TUBB1: variants seen among roughly 807,000 people sequenced by gnomAD.
TUBB1 encodes tubulin beta-1 chain.
In TUBB1, 28 loss-of-function variants were observed where a neutral mutation model predicts 22.6. The observed-to-expected ratio is 1.24, with a 90% confidence interval of 0.92 to 1.70. The LOEUF is 1.70. Among genes scored for constraint, TUBB1 ranks in the 40% most tolerant of loss-of-function variants. TUBB1 has a pLI of 0.00. For synonymous variants in TUBB1, 226 were observed against 238.0 expected, an observed-to-expected ratio of 0.95 and a Z score of 0.46; for missense variants, 577 against 605.5, an observed-to-expected ratio of 0.95 and a Z score of 0.49.
chr20:59,025,761 A>C lies in TUBB1; in HGVS notation c.*978A>C, dbSNP rs1443581726. On this transcript the variant is annotated 3_prime_UTR_variant, in exon 4 of 4. Coordinates refer to ENST00000217133, the MANE Select transcript of TUBB1 (RefSeq NM_030773.4). ...GCAGTGTCCTTCTCAGTTATGGAGG[A>C]CATCGTCTCATTAGGGAACTTTTAC... The C allele has an allele frequency of 2.6e-5, 4 of 152,256 alleles. No homozygotes were observed. Among genetic ancestry groups the C allele is most frequent in the African/African-American group, 9.6e-5 (4 of 41,474 alleles). The allele number at this position is 152,256 out of a possible 1,614,324, so 9.4% of individuals were successfully genotyped here. A position where few individuals can be genotyped will look rare whatever the true frequency, so the allele number is the denominator to read the frequency against.
upstream of TUBB1, chr20:59,019,407 C>A: frequency 7.8e-7 from 1 of 1,276,550 alleles, no homozygotes; most frequent in Non-Finnish European, 1.1e-6. Context: ...CTTGGTTGGC[C>A]AGTCCCACCA....
chr20:59,020,814 C>T (rs2091963606), intron 1 of TUBB1, among the ~76,000 whole-genome samples: 1 of 152,078 alleles, frequency 6.6e-6, no homozygotes, highest in Non-Finnish European at 1.5e-5. Flanking sequence ...TTGGCCAACC[C>T]CAAGAACACA....
At chr20:59,022,992 C>A (rs1325412984) in intron 2 of TUBB1, 39 bp downstream of exon 2, 1 of 1,541,392 alleles carries the variant, frequency 6.5e-7, no homozygotes, top group East Asian at 2.2e-5. Flanking sequence ...GGTCCCGCAA[C>A]TGGGAACACA....
intron 1 of TUBB1, 56 bp from the exon 2 acceptor site, chr20:59,022,789 T>C (rs2091973484): frequency 1.3e-6 from 2 of 1,523,074 alleles, no homozygotes; most frequent in Admixed American, 1.7e-5. Flanking sequence ...ACTTTCTCTG[T>C]GGTTAACACA....
upstream of TUBB1, among the ~76,000 whole-genome samples, chr20:59,018,397 C>T (rs561501402): frequency 1.7e-3 from 261 of 151,686 alleles, 5 homozygotes; most frequent in Non-Finnish European, 3.4e-4. Flanking sequence ...TCCTGTACAC[C>T]GCATGAGGGA....
chr20:59,024,504 G>A lies in TUBB1; in HGVS notation c.1077G>A (p.Arg359=), dbSNP rs199740763. Residue 359 remains arginine, a synonymous_variant, in exon 4 of 4, where the codon CGG becomes CGA. Transcript: ENST00000217133. This position sits in a 1 kb window ranked among gnomAD's most constrained non-coding sequence, Gnocchi z 4.9. ...VKVAVCDIPP[R]GLSMAATFIG... ...TGGCTGTCTGCGACATCCCGCCCCG[G>A]GGGCTGAGCATGGCCGCCACCTTCA... 1.2e-6 allele frequency: 2 copies of A among 1,614,188 alleles called. No individual in the cohort carries two copies. The highest frequency in any genetic ancestry group is 1.7e-6 in the Non-Finnish European group (2 of 1,180,050).
intron 1 of TUBB1, 106 bp from the exon 2 acceptor site, chr20:59,022,739 A>AG: frequency 1.1e-6 from 1 of 945,756 alleles, no homozygotes; most frequent in East Asian, 2.5e-5. Flanking sequence ...TGTCTTGGGG[A>AG]GGGTCAGGCA....
chr20:59,024,621 C>T lies in TUBB1; in HGVS notation c.1194C>T (p.Tyr398=), dbSNP rs1308227436. The change falls in exon 4 of 4, where the codon TAC becomes TAT. Residue 398 remains tyrosine (Y), a synonymous_variant. Transcript: ENST00000217133. The surrounding 1 kb of genome is among the most constrained non-coding windows in gnomAD (Gnocchi z 4.9). Reference sequence around the variant, plus strand: ...AAAGGAAAGCTTTTGTGCACTGGTACACCAGCGAAGGGATGGACATAAACG... The same window carrying T: ...AAAGGAAAGCTTTTGTGCACTGGTATACCAGCGAAGGGATGGACATAAACG... ...MFKRKAFVHW[Y]TSEGMDINEF... is the part of the protein sequence containing the mutation. The T allele has an allele frequency of 3.7e-6, 6 of 1,614,044 alleles. No individual in the cohort carries two copies. The highest frequency in any genetic ancestry group is 1.3e-5 in the African/African-American group (1 of 74,914).
intron 1 of TUBB1, among the ~76,000 whole-genome samples, chr20:59,020,764 GC>G (rs1447305022): frequency 6.6e-6 from 1 of 150,968 alleles, no homozygotes; most frequent in South Asian, 2.1e-4. Context: ...TCTTTCCCTT[GC>G]CCCCCTGCTT....
At position 59,026,178 on chromosome 20, in the gene TUBB1, T is replaced by C. The variant is rs921457166; in HGVS notation, c.*1395T>C. 4 of 152,226 alleles carry C rather than the reference T, an allele frequency of 2.6e-5. No homozygotes were observed. The highest frequency in any genetic ancestry group is 9.6e-5 in the African/African-American group (4 of 41,458). 9.4% of individuals were successfully genotyped at this position (152,226 alleles called of 1,614,324 possible). ...ATGACAGTTGCTCATTCTGAGAAAC[T>C]TCACTCTTTTCACTTATGCATCACG... On this transcript the variant is annotated 3_prime_UTR_variant, in exon 4 of 4. Coordinates refer to ENST00000217133, the MANE Select transcript of TUBB1 (RefSeq NM_030773.4).
chr20:59,016,930 G>A (rs2146371254), upstream of TUBB1, among the ~76,000 whole-genome samples: 1 of 152,244 alleles, frequency 6.6e-6, no homozygotes, highest in South Asian at 2.1e-4. Flanking sequence ...TCAGGTTTGA[G>A]CACAAAAAAG....
chr20:59,020,764 G>GC (rs1447305022), intron 1 of TUBB1, among the ~76,000 whole-genome samples: 5 of 150,968 alleles, frequency 3.3e-5, no homozygotes, highest in African/African-American at 1.2e-4. Flanking sequence ...TCTTTCCCTT[G>GC]CCCCCCTGCT....
In TUBB1 at chr20:59,023,961, T is replaced by G. The variant is rs163777; in HGVS notation, c.534T>G (p.Thr178=). The part of the protein sequence containing the change: ...SVMPSPKVSD[T]VVEPYNAVLS... Reference sequence around the variant, plus strand: ...TGCCTTCTCCCAAGGTGTCGGACACTGTGGTGGAGCCCTACAACGCGGTTC... The same window carrying G: ...TGCCTTCTCCCAAGGTGTCGGACACGGTGGTGGAGCCCTACAACGCGGTTC... Residue 178 remains threonine (T), a synonymous_variant, in exon 4 of 4, where the codon ACT becomes ACG. Transcript: ENST00000217133. 1 allele frequency: 1,609,711 copies of G among 1,614,186 alleles called. 802,629 individuals carry two copies. The highest frequency in any genetic ancestry group is 1 in the Middle Eastern group (6,062 of 6,062).
At chr20:59,019,679 C>CT in intron 1 of TUBB1, 100 bp downstream of exon 1, 1 of 1,235,690 alleles carries the variant, frequency 8.1e-7, no homozygotes, top group Non-Finnish European at 1.2e-6. Flanking sequence ...ATAAGTCTAG[C>CT]AGATTTAATG....
chr20:59,022,654 A>C (rs1474223494), intron 1 of TUBB1, among the ~76,000 whole-genome samples, 191 bp from the exon 2 acceptor site: 1 of 152,198 alleles, frequency 6.6e-6, no homozygotes, highest in African/African-American at 2.4e-5. Context: ...TGCAATCTTC[A>C]TATTACTTCA....
chr20:59,024,362 C>G lies in TUBB1; in HGVS notation c.935C>G (p.Thr312Arg), dbSNP rs2091983599. ...GACCTCCGCCGTGGCCGCTACCTCA[C>G]AGTGGCCTGCATTTTCCGGGGCAAG... Reference protein sequence around the residue: ...ACDLRRGRYLTVACIFRGKMS... With the variant: ...ACDLRRGRYLRVACIFRGKMS... Residue 312 changes from threonine to arginine, a missense_variant, in exon 4 of 4, where the codon ACA becomes AGA. By Grantham distance (71) the Thr-to-Arg change is moderately conservative (BLOSUM62 -1). Coordinates refer to ENST00000217133, the MANE Select transcript of TUBB1 (RefSeq NM_030773.4). The surrounding 1 kb of genome is among the most constrained non-coding windows in gnomAD (Gnocchi z 4.9). 6.2e-7 allele frequency: 1 copy of G among 1,614,186 alleles called. No homozygotes were observed. Among genetic ancestry groups the G allele is most frequent in the Non-Finnish European group, 8.5e-7 (1 of 1,180,032 alleles).
intron 1 of TUBB1, among the ~76,000 whole-genome samples, chr20:59,020,338 C>T (rs945223369): frequency 1.1e-4 from 16 of 152,244 alleles, no homozygotes; most frequent in African/African-American, 3.9e-4. Flanking sequence ...GCATGCGCCA[C>T]CACGTCTGGC....
rs562449080 is a variant in TUBB1, at chr20:59,024,817, A to T, written c.*34A>T. ...GAAGCTGTGCCGCGGAGTCGCTTAC[A>T]GAACAGTTTCTCATTAGATGAGTGT... On this transcript the variant is annotated 3_prime_UTR_variant, in exon 4 of 4. Transcript: ENST00000217133. The surrounding 1 kb of genome is among the most constrained non-coding windows in gnomAD (Gnocchi z 4.9). 12 of 1,602,418 alleles carry T rather than the reference A, an allele frequency of 7.5e-6. No individual in the cohort carries two copies. In the Admixed American group the frequency reaches 1.5e-4, roughly 20 times the overall value.
In TUBB1 at chr20:59,025,227, A is replaced by C. The variant is rs1323374799; in HGVS notation, c.*444A>C. ...TTCCTTAGGTTCTTTCCTCTGAGCA[A>C]ACACTGACTGGCATCCTGCTTTCCA... is the stretch of plus-strand genomic sequence containing the variant. On this transcript the variant is annotated 3_prime_UTR_variant, in exon 4 of 4. Coordinates refer to ENST00000217133, the MANE Select transcript of TUBB1 (RefSeq NM_030773.4). 4.0e-6 allele frequency: 1 copy of C among 250,996 alleles called. No homozygotes were observed. Among genetic ancestry groups the C allele is most frequent in the Non-Finnish European group, 7.9e-6 (1 of 126,054 alleles). The allele number at this position is 250,996 out of a possible 1,614,324, so 15.5% of individuals were successfully genotyped here.
Sources: gnomAD v4.1 joint callset for allele counts (sites outside exome capture counted in the v4.1 genomes callset) on GRCh38, gnomAD v4.1.1 for gene constraint, Gnocchi (gnomAD v3.1) non-coding constraint, MANE v1.5 for transcripts, NCBI Gene and HGNC (gene_info 2026-07-23, HGNC 2026-07-21) for gene names.